The following CACNA2D1 variants were observed in gnomAD, a reference collection of about 807,000 sequenced individuals.
CACNA2D1 encodes voltage-dependent calcium channel subunit alpha-2/delta-1.
CACNA2D1 carries 53 observed loss-of-function variants against 171.5 expected under a neutral mutation model. The observed-to-expected ratio is 0.31, with a 90% confidence interval of 0.25 to 0.39. CACNA2D1 has a LOEUF of 0.39. Among genes scored for constraint, CACNA2D1 ranks in the 10% least tolerant of loss-of-function variants. The pLI, the probability that CACNA2D1 is intolerant of heterozygous loss-of-function variation, is 1.00. For missense variants in CACNA2D1, 903 were observed against 1,299.8 expected, an observed-to-expected ratio of 0.69 and a Z score of 4.69; for synonymous variants, 442 against 443.1, an observed-to-expected ratio of 1.00 and a Z score of 0.03.
At chr7:82,099,324 A>G (rs1278858204) in intron 6 of CACNA2D1, among the ~76,000 whole-genome samples, 1 of 150,960 alleles carries the variant, frequency 6.6e-6, no homozygotes. Context: ...AACAATTTGT[A>G]GTTAAAATTA....
At chr7:82,071,595 T>C (rs961713139) in intron 7 of CACNA2D1, among the ~76,000 whole-genome samples, 1 of 152,104 alleles carries the variant, frequency 6.6e-6, no homozygotes, top group Non-Finnish European at 1.5e-5. Context: ...TGTTGAGACT[T>C]TGAATCATCT....
chr7:82,213,466 T>C (rs1800769638), intron 3 of CACNA2D1, among the ~76,000 whole-genome samples: 1 of 152,126 alleles, frequency 6.6e-6, no homozygotes, highest in Admixed American at 6.5e-5. Flanking sequence ...CCTCACCTGT[T>C]TGTACTTCTA....
chr7:82,312,659 G>C (rs1814620204), intron 3 of CACNA2D1, among the ~76,000 whole-genome samples: 1 of 151,752 alleles, frequency 6.6e-6, no homozygotes, highest in African/African-American at 2.4e-5. Flanking sequence ...TAAGATTACA[G>C]GTGTGCACTA....
chr7:82,165,891 T>C (rs1426954695), intron 4 of CACNA2D1, among the ~76,000 whole-genome samples: 1 of 152,040 alleles, frequency 6.6e-6, no homozygotes, highest in African/African-American at 2.4e-5. Context: ...TGGTGATCTA[T>C]TAAAATTCAC....
At chr7:81,957,652 C>T (rs1369501926) in intron 38 of CACNA2D1, among the ~76,000 whole-genome samples, 2 of 152,044 alleles carry the variant, frequency 1.3e-5, no homozygotes, top group Non-Finnish European at 2.9e-5. Flanking sequence ...ACGTGAGTCT[C>T]CATCCAGAGC....
chr7:82,440,803 T>C (rs555699095), intron 1 of CACNA2D1, among the ~76,000 whole-genome samples: 126 of 151,936 alleles, frequency 8.3e-4, no homozygotes, highest in African/African-American at 2.8e-3. Flanking sequence ...TTCACACAAA[T>C]GTAAACACTC....
At chr7:82,030,016 T>C (rs1372296771) in intron 12 of CACNA2D1, 3 of 151,830 alleles carry the variant, frequency 2.0e-5, no homozygotes, top group African/African-American at 2.4e-5. Flanking sequence ...AGCAGGACTG[T>C]TGAAGTTGAA....
chr7:82,292,446 C>T (rs2887140), intron 3 of CACNA2D1, among the ~76,000 whole-genome samples: 86,338 of 151,978 alleles, frequency 0.57, 26,993 homozygotes, highest in African/African-American at 0.85. Flanking sequence ...TTTGTTGGAG[C>T]ACTTCCTCCA....
intron 5 of CACNA2D1, among the ~76,000 whole-genome samples, chr7:82,133,103 A>AT (rs1443611921): frequency 2.6e-5 from 4 of 152,102 alleles, no homozygotes; most frequent in African/African-American, 4.8e-5. Context: ...GATTTCTCCC[A>AT]TTTTTTCTCT....
chr7:82,166,676 C>T (rs929821168), intron 4 of CACNA2D1, among the ~76,000 whole-genome samples: 4 of 151,988 alleles, frequency 2.6e-5, no homozygotes, highest in African/African-American at 9.7e-5. Flanking sequence ...ATAATTTGTC[C>T]ATCATAAGTG....
At chr7:82,107,098 A>T (rs6950805) in intron 6 of CACNA2D1, among the ~76,000 whole-genome samples, 12,052 of 152,224 alleles carry the variant, frequency 0.079, 577 homozygotes, top group South Asian at 0.14. Flanking sequence ...AGAGTAAAAC[A>T]TTAAAAACTA....
chr7:81,961,926 G>C lies in CACNA2D1; in HGVS notation c.2934C>G (p.Phe978Leu), dbSNP rs1325228971. The change falls in exon 36 of 39, where the codon TTC becomes TTG. Residue 978 changes from phenylalanine (F) to leucine (L), a missense_variant. Physicochemically the swap from Phe to Leu is conservative, Grantham distance 22. Transcript: ENST00000356860. ...AGTTTCCACAGTCTAATACACCACTGAATGATTTACTGTCGTTATCGAAGA... is the reference window on the plus strand; with the variant it reads ...AGTTTCCACAGTCTAATACACCACTCAATGATTTACTGTCGTTATCGAAGA... ...QYFFDNDSKS[F>L]SGVLDCGNCS... 6.2e-7 allele frequency: 1 copy of C among 1,610,234 alleles called. No individual in the cohort carries two copies. Among genetic ancestry groups the C allele is most frequent in the Non-Finnish European group, 8.5e-7 (1 of 1,177,072 alleles).
At chr7:82,205,249 A>C (rs1371515228) in intron 3 of CACNA2D1, among the ~76,000 whole-genome samples, 6 of 152,218 alleles carry the variant, frequency 3.9e-5, no homozygotes, top group Non-Finnish European at 4.4e-5. Context: ...ATAATGATTT[A>C]AAGAATATAG....
chr7:82,098,973 A>G (rs1235763211), intron 6 of CACNA2D1, among the ~76,000 whole-genome samples: 1 of 152,236 alleles, frequency 6.6e-6, no homozygotes. Flanking sequence ...GTTAAGAATA[A>G]ACTCAATTTA....
intron 3 of CACNA2D1, among the ~76,000 whole-genome samples, chr7:82,248,406 G>T (rs1433188083): frequency 6.6e-6 from 1 of 152,082 alleles, no homozygotes; most frequent in Non-Finnish European, 1.5e-5. Flanking sequence ...ACACCCAGGG[G>T]TGACCCCATT....
At chr7:82,385,176 G>A (rs557714045) in intron 1 of CACNA2D1, among the ~76,000 whole-genome samples, 2 of 152,344 alleles carry the variant, frequency 1.3e-5, no homozygotes, top group South Asian at 4.1e-4. Flanking sequence ...CTTATGCTGT[G>A]CTCGTCTGTC....
At chr7:82,294,949 A>C (rs1422662564) in intron 3 of CACNA2D1, among the ~76,000 whole-genome samples, 3 of 152,182 alleles carry the variant, frequency 2.0e-5, no homozygotes, top group African/African-American at 7.2e-5. Context: ...CAACTGCAGA[A>C]AACTAATACA....
At chr7:82,069,777 C>G (rs1035272445) in intron 7 of CACNA2D1, among the ~76,000 whole-genome samples, 1 of 151,502 alleles carries the variant, frequency 6.6e-6, no homozygotes, top group Non-Finnish European at 1.5e-5. Flanking sequence ...AGGACTGATT[C>G]TCTCGGTAGA....
chr7:82,217,976 T>C (rs1197619565), intron 3 of CACNA2D1, among the ~76,000 whole-genome samples: 1 of 151,476 alleles, frequency 6.6e-6, no homozygotes, highest in Non-Finnish European at 1.5e-5. Context: ...GCCCTGTCGC[T>C]CAGGCTGGAG....
Sources: allele counts gnomAD v4.1 joint callset (sites outside exome capture counted in the v4.1 genomes callset), GRCh38; gene constraint gnomAD v4.1.1; transcripts MANE v1.5; gene names NCBI Gene and HGNC (gene_info 2026-07-23, HGNC 2026-07-21).